Variants in IL1RAPL1 observed in about 807,000 individuals in gnomAD.
IL1RAPL1 encodes interleukin-1 receptor accessory protein-like 1.
A neutral mutation model predicts 48.4 loss-of-function variants in IL1RAPL1; 3 were observed. The ratio of observed to expected loss-of-function variants is 0.06; its 90% CI spans 0.03 to 0.16. The LOEUF (loss-of-function observed/expected upper bound fraction) is 0.16, where lower values mean the gene tolerates loss of function less well. Ranked by LOEUF, IL1RAPL1 falls within the 10% of genes least tolerant of loss-of-function variation. IL1RAPL1 has a pLI of 1.00. For missense variants in IL1RAPL1, 349 were observed against 530.6 expected (o/e 0.66, Z 3.36); for synonymous variants, 185 against 187.7 (o/e 0.99, Z 0.12).
intron 8 of IL1RAPL1, among the ~76,000 whole-genome samples, chrX:29,937,633 T>C: frequency 8.9e-6 from 1 of 112,238 alleles, no homozygotes; most frequent in Middle Eastern, 4.6e-3. Context: ...TGCATACATG[T>C]ATAATGTGTA....
At chrX:28,759,566 A>G (rs939544756) in intron 1 of IL1RAPL1, among the ~76,000 whole-genome samples, 25 of 111,940 alleles carry the variant, frequency 2.2e-4, no homozygotes, top group African/African-American at 7.5e-4. Context: ...TTATTCTGCA[A>G]AGAGACAAAT....
At chrX:28,863,375 T>G (rs2147303815) in intron 2 of IL1RAPL1, among the ~76,000 whole-genome samples, 1 of 109,402 alleles carries the variant, frequency 9.1e-6, no homozygotes, top group East Asian at 2.8e-4. Context: ...CAATAAACCT[T>G]GATTTACAGA....
intron 5 of IL1RAPL1, among the ~76,000 whole-genome samples, chrX:29,564,053 C>A (rs1357624544): frequency 9.0e-6 from 1 of 111,464 alleles, no homozygotes; most frequent in African/African-American, 3.3e-5. Context: ...ATCTTATTCT[C>A]ATCAGGAGTT....
intron 2 of IL1RAPL1, among the ~76,000 whole-genome samples, chrX:29,233,150 A>G (rs1022162662): frequency 1.8e-5 from 2 of 111,594 alleles, no homozygotes; most frequent in Admixed American, 1.9e-4. Context: ...AAGATACTCT[A>G]TCACAACTTA....
chrX:28,904,093 C>G (rs1923154137), intron 2 of IL1RAPL1, among the ~76,000 whole-genome samples: 1 of 110,723 alleles, frequency 9.0e-6, no homozygotes, highest in Admixed American at 9.7e-5. Context: ...TGCTATCAAA[C>G]TCAAACATTA....
intron 2 of IL1RAPL1, among the ~76,000 whole-genome samples, chrX:28,801,501 C>T (rs1322610855): frequency 3.6e-5 from 4 of 111,395 alleles, no homozygotes; most frequent in Non-Finnish European, 7.5e-5. Flanking sequence ...TAATTTTCCA[C>T]GGTTAATCTT....
At chrX:29,346,057 G>C (rs888743734) in intron 3 of IL1RAPL1, among the ~76,000 whole-genome samples, 23 of 111,770 alleles carry the variant, frequency 2.1e-4, no homozygotes, top group African/African-American at 7.2e-4. Flanking sequence ...AGCCCAAAAG[G>C]CTCCAATGAG....
At chrX:29,746,111 TA>T (rs1449061451) in intron 6 of IL1RAPL1, among the ~76,000 whole-genome samples, 1 of 111,857 alleles carries the variant, frequency 8.9e-6, no homozygotes, top group Non-Finnish European at 1.9e-5. Context: ...GTTCCCCAAA[TA>T]AGAGAAATAT....
chrX:29,809,683 G>A (rs1431932951), intron 6 of IL1RAPL1, among the ~76,000 whole-genome samples: 1 of 109,479 alleles, frequency 9.1e-6, no homozygotes, highest in Non-Finnish European at 1.9e-5. Flanking sequence ...GTTGTTCAAT[G>A]TTATACTCCA....
chrX:29,047,881 A>C (rs1927008911), intron 2 of IL1RAPL1, among the ~76,000 whole-genome samples: 1 of 110,557 alleles, frequency 9.0e-6, no homozygotes, highest in African/African-American at 3.3e-5. Flanking sequence ...TTTCCTCATT[A>C]ACTGAATTGG....
rs950595749 is a variant in IL1RAPL1 at position 28,882,263 on chromosome X, C to T, written c.82+92838C>T. ...ATTTCTTAGCAGAAACCTTGCAGACCGGAAGGGAGTGGGATGATATATTCA... is the reference window on the plus strand; with the variant it reads ...ATTTCTTAGCAGAAACCTTGCAGACTGGAAGGGAGTGGGATGATATATTCA... On this transcript the variant is annotated intron_variant, in intron 2 of 10. Transcript: ENST00000378993. 1.4e-4 allele frequency among the ~76,000 whole-genome samples: 15 copies of T among 111,038 alleles called. No homozygotes were observed. The South Asian group carries it at 5.3e-3, about 39-fold the overall frequency.
chrX:29,828,467 T>A (rs147530337), intron 6 of IL1RAPL1, among the ~76,000 whole-genome samples: 2,739 of 111,610 alleles, frequency 0.025, 83 homozygotes, highest in African/African-American at 0.084. Context: ...ATAGTTTATG[T>A]ATATATTTTG....
intron 6 of IL1RAPL1, among the ~76,000 whole-genome samples, chrX:29,765,736 A>T (rs1268168155): frequency 8.9e-6 from 1 of 111,953 alleles, no homozygotes. Context: ...TTGCAGGCAA[A>T]TAATGTCCTT....
intron 5 of IL1RAPL1, among the ~76,000 whole-genome samples, chrX:29,610,010 C>T (rs1172203757): frequency 9.0e-6 from 1 of 111,529 alleles, no homozygotes; most frequent in Non-Finnish European, 1.9e-5. Flanking sequence ...GCTTCAACCA[C>T]ACACACTTTC....
At chrX:28,946,481 T>A (rs747616276) in intron 2 of IL1RAPL1, among the ~76,000 whole-genome samples, 1 of 111,110 alleles carries the variant, frequency 9.0e-6, no homozygotes. Flanking sequence ...AAGATTAAAA[T>A]ATGCAAAAAT....
chrX:29,411,212 T>C (rs1888788816), intron 5 of IL1RAPL1, among the ~76,000 whole-genome samples: 1 of 112,082 alleles, frequency 8.9e-6, no homozygotes, highest in South Asian at 3.7e-4. Flanking sequence ...CATACATACA[T>C]ACCTATCTGT....
At chrX:29,691,522 A>G (rs924690511) in intron 6 of IL1RAPL1, among the ~76,000 whole-genome samples, 1 of 111,708 alleles carries the variant, frequency 9.0e-6, no homozygotes, top group African/African-American at 3.3e-5. Flanking sequence ...TAAAGGTGCC[A>G]AATGATGTTA....
At chrX:28,932,808 C>T (rs1249889896) in intron 2 of IL1RAPL1, among the ~76,000 whole-genome samples, 1 of 109,575 alleles carries the variant, frequency 9.1e-6, no homozygotes, top group Non-Finnish European at 1.9e-5. Context: ...AAACTCAGTC[C>T]CTAAATAATA....
At chrX:29,529,780 G>T (rs1935594546) in intron 5 of IL1RAPL1, among the ~76,000 whole-genome samples, 1 of 110,708 alleles carries the variant, frequency 9.0e-6, no homozygotes, top group Non-Finnish European at 1.9e-5. Context: ...TACTCTCGTG[G>T]TTCAGAAAAA....
Sources: gnomAD v4.1 joint callset for allele counts (sites outside exome capture counted in the v4.1 genomes callset) on GRCh38, gnomAD v4.1.1 for gene constraint, MANE v1.5 for transcripts, NCBI Gene and HGNC (gene_info 2026-07-23, HGNC 2026-07-21) for gene names.